The following SYT9 variants were observed in gnomAD, a reference collection of about 807,000 sequenced individuals.
The protein encoded by SYT9 is synaptotagmin 9.
A neutral mutation model predicts 48.4 loss-of-function variants in SYT9; 22 were observed. The ratio of observed to expected loss-of-function variants is 0.45; its 90% CI spans 0.32 to 0.65. The LOEUF (loss-of-function observed/expected upper bound fraction) is 0.65, where lower values mean the gene tolerates loss of function less well. Ranked by LOEUF, SYT9 falls within the 30% of genes least tolerant of loss-of-function variation. The pLI, the probability that SYT9 is intolerant of heterozygous loss-of-function variation, is 0.03. For synonymous variants in SYT9, 265 were observed against 245.0 expected (o/e 1.08, Z -0.76); for missense variants, 577 against 622.0 (o/e 0.93, Z 0.77).
At chr11:7,330,537 G>C (rs1273461162) in intron 3 of SYT9, among the ~76,000 whole-genome samples, 1 of 152,146 alleles carries the variant, frequency 6.6e-6, no homozygotes, top group Non-Finnish European at 1.5e-5. Flanking sequence ...CTAATGAAAA[G>C]AGTGACCGTC....
intron 3 of SYT9, among the ~76,000 whole-genome samples, chr11:7,358,638 A>G (rs562973123): frequency 3.3e-5 from 5 of 152,280 alleles, no homozygotes; most frequent in African/African-American, 1.2e-4. Flanking sequence ...TATATTTCTC[A>G]TGAATGAGTG....
chr11:7,356,404 G>A (rs1014676844), intron 3 of SYT9, among the ~76,000 whole-genome samples: 8 of 152,224 alleles, frequency 5.3e-5, no homozygotes, highest in African/African-American at 1.9e-4. Flanking sequence ...CATCAAGGCT[G>A]TAGCCTTAGC....
chr11:7,413,761 C>CT (rs61037405), intron 3 of SYT9, among the ~76,000 whole-genome samples: 66,754 of 145,380 alleles, frequency 0.46, 16,508 homozygotes, highest in African/African-American at 0.65. Flanking sequence ...TTGTTTGTTC[C>CT]TTTTTTTTTT....
At chr11:7,260,144 G>A (rs72853376) in intron 1 of SYT9, among the ~76,000 whole-genome samples, 5,359 of 152,090 alleles carry the variant, frequency 0.035, 163 homozygotes, top group Admixed American at 0.092. Flanking sequence ...TACAAGGTTG[G>A]GCATCTGTCA....
At chr11:7,277,670 A>C (rs1205660475) in intron 1 of SYT9, among the ~76,000 whole-genome samples, 5 of 152,206 alleles carry the variant, frequency 3.3e-5, no homozygotes, top group Non-Finnish European at 7.4e-5. Context: ...GGATTAGTGT[A>C]TGCCTAGTTG....
chr11:7,457,063 T>A (rs1564910673), intron 6 of SYT9: 1 of 152,200 alleles, frequency 6.6e-6, no homozygotes, highest in African/African-American at 2.4e-5. Context: ...GCATTCAAGG[T>A]CCTCTGCGAC....
chr11:7,393,295 T>A (rs1466730497), intron 3 of SYT9, among the ~76,000 whole-genome samples: 5 of 4,164 alleles, frequency 1.2e-3, no homozygotes, highest in Non-Finnish European at 2.0e-3. Flanking sequence ...TTTGTTGAGG[T>A]TTTTTTTTTT....
chr11:7,330,506 A>G (rs1245293584), intron 3 of SYT9, among the ~76,000 whole-genome samples: 1 of 152,174 alleles, frequency 6.6e-6, no homozygotes, highest in African/African-American at 2.4e-5. Context: ...GGAGGAAAAT[A>G]AAGAATTAAA....
rs894710617 is a variant in SYT9 at position 7,405,809 on chromosome 11, T to C, written c.1045-10233T>C. ...AATTTCTATATTGGAATTTTGTCATTTTAATTTTATAATTTAGAAAACTTT... is the reference window on the plus strand; with the variant it reads ...AATTTCTATATTGGAATTTTGTCATCTTAATTTTATAATTTAGAAAACTTT... On this transcript the variant is annotated intron_variant, in intron 3 of 6. Coordinates refer to ENST00000318881, the MANE Select transcript of SYT9 (RefSeq NM_175733.4). Among the ~76,000 whole-genome samples, 4 of 152,342 alleles carry C rather than the reference T, an allele frequency of 2.6e-5. No individual in the cohort carries two copies. In the East Asian group the frequency reaches 7.7e-4, roughly 29 times the overall value.
intron 3 of SYT9, among the ~76,000 whole-genome samples, chr11:7,364,022 T>C (rs1405884623): frequency 6.6e-6 from 1 of 152,202 alleles, no homozygotes; most frequent in Non-Finnish European, 1.5e-5. Context: ...AAGAGGTTTA[T>C]TTAAAAATAT....
intron 6 of SYT9, chr11:7,444,384 T>C (rs1847891987): frequency 6.6e-6 from 1 of 152,242 alleles, no homozygotes; most frequent in Non-Finnish European, 1.5e-5. Context: ...AATGATCCAG[T>C]GGAGGCTGCA....
At chr11:7,419,614 T>G (rs757355985) in intron 5 of SYT9, among the ~76,000 whole-genome samples, 4 of 152,132 alleles carry the variant, frequency 2.6e-5, no homozygotes, top group Non-Finnish European at 4.4e-5. Context: ...ATATTAGCCT[T>G]GGCCGGGCAT....
At chr11:7,275,682 C>T (rs1160515118) in intron 1 of SYT9, among the ~76,000 whole-genome samples, 2 of 152,160 alleles carry the variant, frequency 1.3e-5, no homozygotes, top group Non-Finnish European at 2.9e-5. Context: ...ACCTGTATAT[C>T]TAGCCACCTC....
chr11:7,257,903 CA>C (rs1179943881), intron 1 of SYT9, among the ~76,000 whole-genome samples: 1 of 152,088 alleles, frequency 6.6e-6, no homozygotes, highest in African/African-American at 2.4e-5. Context: ...GAGGGGAAAA[CA>C]AAAGCAAATT....
At chr11:7,355,590 A>C (rs1850006391) in intron 3 of SYT9, among the ~76,000 whole-genome samples, 1 of 152,156 alleles carries the variant, frequency 6.6e-6, no homozygotes, top group Admixed American at 6.5e-5. Flanking sequence ...TACTGCAGTT[A>C]TTGTCTGATC....
At position 7,303,227 on chromosome 11, in the gene SYT9, A is replaced by C; in HGVS notation, c.334A>C (p.Ser112Arg). ...CACAGAGACCAATGAGCAGGAGAACAGTGAGGACTTCCTAGATCCTCCCAC... is the reference window on the plus strand; with the variant it reads ...CACAGAGACCAATGAGCAGGAGAACCGTGAGGACTTCCTAGATCCTCCCAC... ...MDTETNEQEN[S>R]EDFLDPPTPC... is the part of the protein sequence containing the mutation. The change falls in exon 2 of 7, where the codon AGT becomes CGT. Residue 112 changes from serine (S) to arginine (R), a missense_variant. By Grantham distance (110) the Ser-to-Arg change is moderately radical. Transcript: ENST00000318881. The C allele has an allele frequency of 1.9e-6, 3 of 1,614,128 alleles. No individual in the cohort carries two copies. The highest frequency in any genetic ancestry group is 2.5e-6 in the Non-Finnish European group (3 of 1,180,016).
intron 1 of SYT9, among the ~76,000 whole-genome samples, chr11:7,289,143 G>T (rs1252879218): frequency 1.3e-5 from 2 of 152,188 alleles, no homozygotes; most frequent in African/African-American, 2.4e-5. Context: ...GAGATGTGCT[G>T]CAGACTCCCC....
chr11:7,280,190 A>G (rs1564845604), intron 1 of SYT9, among the ~76,000 whole-genome samples: 1 of 152,258 alleles, frequency 6.6e-6, no homozygotes, highest in Admixed American at 6.5e-5. Flanking sequence ...TAAAATACAC[A>G]TTGCATTTTA....
intron 2 of SYT9, among the ~76,000 whole-genome samples, chr11:7,308,701 G>T (rs1007532993): frequency 6.6e-6 from 1 of 152,154 alleles, no homozygotes; most frequent in African/African-American, 2.4e-5. Flanking sequence ...TCATCTTCTG[G>T]TGGGGGAACC....
Sources: allele counts gnomAD v4.1 joint callset (sites outside exome capture counted in the v4.1 genomes callset), GRCh38; gene constraint gnomAD v4.1.1; transcripts MANE v1.5; gene names NCBI Gene and HGNC (gene_info 2026-07-23, HGNC 2026-07-21).